The following CLDN10 variants were observed in gnomAD, a reference collection of about 807,000 sequenced individuals.
The protein encoded by CLDN10 is claudin-10.
Under a neutral mutation model 22.9 loss-of-function variants are expected in CLDN10, and 15 were observed. The observed-to-expected ratio is 0.65, with a 90% CI of 0.44 to 1.01. The LOEUF (loss-of-function observed/expected upper bound fraction) is 1.01, where lower values mean the gene tolerates loss of function less well. CLDN10 is among the 50% of genes least tolerant of loss of function. The probability of loss-of-function intolerance (pLI) is 0.00; values close to 1 mark genes in which losing one functional copy is unlikely to be tolerated. For missense variants in CLDN10, 247 were observed against 287.8 expected, an observed-to-expected ratio of 0.86 and a Z score of 1.03; for synonymous variants, 114 against 111.4, an observed-to-expected ratio of 1.02 and a Z score of -0.15.
At chr13:95,537,254 T>G (rs1177416636) in intron 1 of CLDN10, among the ~76,000 whole-genome samples, 1 of 152,186 alleles carries the variant, frequency 6.6e-6, no homozygotes, top group East Asian at 1.9e-4. Flanking sequence ...AGACTTTGTG[T>G]GGGGTTGGTT....
rs1566349260 is a variant in CLDN10, at chr13:95,578,240, T to C, written c.*226T>C. On this transcript the variant is annotated 3_prime_UTR_variant, in exon 5 of 5. Coordinates refer to ENST00000299339, the MANE Select transcript of CLDN10 (RefSeq NM_006984.5). ...AAAATAAACAGTTTATTTACAGGAT[T>C]TGTAAAATGTTTTCTACATTTATAT... The C allele has an allele frequency of 6.0e-6, 2 of 330,622 alleles. No individual in the cohort carries two copies. Among genetic ancestry groups the C allele is most frequent in the East Asian group, 1.1e-4 (2 of 18,386 alleles). The allele number at this position is 330,622 out of a possible 1,614,324, so 20.5% of individuals were successfully genotyped here.
chr13:95,468,078 A>G (rs1489415694), intron 1 of CLDN10, among the ~76,000 whole-genome samples: 1 of 152,226 alleles, frequency 6.6e-6, no homozygotes, highest in African/African-American at 2.4e-5. Context: ...TCACAGAAAC[A>G]TCCAGAATAA....
At chr13:95,565,960 C>CT (rs923359978) in intron 3 of CLDN10, among the ~76,000 whole-genome samples, 29 of 152,092 alleles carry the variant, frequency 1.9e-4, no homozygotes, top group African/African-American at 7.0e-4. Flanking sequence ...TGAACTCATC[C>CT]TTTTTTATGG....
chr13:95,463,411 T>G (rs149145873), intron 1 of CLDN10, among the ~76,000 whole-genome samples: 14 of 142,378 alleles, frequency 9.8e-5, no homozygotes, highest in Admixed American at 2.1e-4. Flanking sequence ...TGGCTCACTG[T>G]AGCCTGGGCC....
rs1231424844 is a variant in CLDN10, at chr13:95,578,219, T to C, written c.*205T>C. The C allele has an allele frequency of 1.0e-5, 4 of 380,956 alleles. No individual in the cohort carries two copies. The highest frequency in any genetic ancestry group is 8.3e-5 in the African/African-American group (4 of 47,908). 23.6% of individuals were successfully genotyped at this position (380,956 alleles called of 1,614,324 possible). A position where few individuals can be genotyped will look rare whatever the true frequency, so the allele number is the denominator to read the frequency against. On this transcript the variant is annotated 3_prime_UTR_variant, in exon 5 of 5. Transcript: ENST00000299339. ...TTCTGTTGTGGCTTTCTATAAAAAA[T>C]AAACAGTTTATTTACAGGATTTGTA...
rs57500288 is a variant in CLDN10 at position 95,532,792 on chromosome 13, C to CAAAAAAAAAAAAAAAAAAAA, written c.215-27337_215-27318dup. Among the ~76,000 whole-genome samples the CAAAAAAAAAAAAAAAAAAAA allele has an allele frequency of 9.7e-5, 6 of 62,020 alleles. 1 individual carries two copies. Among genetic ancestry groups the CAAAAAAAAAAAAAAAAAAAA allele is most frequent in the African/African-American group, 2.0e-4 (3 of 15,066 alleles). 40.7% of individuals were successfully genotyped at this position (62,020 alleles called of 152,430 possible). On this transcript the variant is annotated intron_variant, in intron 1 of 4. Transcript: ENST00000376873. The stretch of plus-strand genomic sequence containing the variant: ...CTTCAGATACTGGAACTCAATTCAG[C>CAAAAAAAAAAAAAAAAAAAA]AAAAAAAAAAAAAAAAAAAAAAGAA...
chr13:95,552,799 T>G lies in CLDN10; in HGVS notation c.46T>G (p.Ser16Ala). Reference sequence around the variant, plus strand: ...GATCATCGCCTTCATGGTCTCCATCTCAGGCTGGGTACTGGTGTCCTCCAC... The same window carrying G: ...GATCATCGCCTTCATGGTCTCCATCGCAGGCTGGGTACTGGTGTCCTCCAC... Reference protein sequence around the residue: ...SEIIAFMVSISGWVLVSSTLP... With the variant: ...SEIIAFMVSIAGWVLVSSTLP... Residue 16 changes from serine (S) to alanine (A), a missense_variant, in exon 1 of 5, where the codon TCA becomes GCA. Physicochemically the swap from Ser to Ala is moderately conservative, Grantham distance 99. Coordinates refer to ENST00000299339, the MANE Select transcript of CLDN10 (RefSeq NM_006984.5). 6.2e-7 allele frequency: 1 copy of G among 1,613,918 alleles called. No individual in the cohort carries two copies. Among genetic ancestry groups the G allele is most frequent in the East Asian group, 2.2e-5 (1 of 44,872 alleles).
intron 1 of CLDN10, among the ~76,000 whole-genome samples, chr13:95,503,935 A>G (rs1211088122): frequency 1.3e-5 from 2 of 152,328 alleles, no homozygotes; most frequent in African/African-American, 2.4e-5. Context: ...TATACTTAAC[A>G]CTACTGAACT....
At chr13:95,537,903 T>C (rs2043417385) in intron 1 of CLDN10, among the ~76,000 whole-genome samples, 1 of 152,222 alleles carries the variant, frequency 6.6e-6, no homozygotes, top group Admixed American at 6.5e-5. Flanking sequence ...TATCTGCCAA[T>C]TGATAAGCAC....
chr13:95,561,764 CTTTT>C lies in CLDN10; in HGVS notation c.464+1315_464+1318del, dbSNP rs201890987. On this transcript the variant is annotated intron_variant, in intron 3 of 4. Transcript: ENST00000299339. ...TGTTCATCAAGAGGTTTCTTTCGTC[CTTTT>C]TTTTTTTTTTTTTAAGAGTTAGGGC... is the stretch of plus-strand genomic sequence containing the variant. Among the ~76,000 whole-genome samples, 5 of 135,312 alleles carry C rather than the reference CTTTT, an allele frequency of 3.7e-5. 1 individual carries two copies. The highest frequency in any genetic ancestry group is 5.4e-5 in the African/African-American group (2 of 36,804). 88.8% of individuals were successfully genotyped at this position (135,312 alleles called of 152,430 possible).
chr13:95,513,298 G>T (rs1202745112), intron 1 of CLDN10, among the ~76,000 whole-genome samples: 1 of 152,166 alleles, frequency 6.6e-6, no homozygotes, highest in African/African-American at 2.4e-5. Flanking sequence ...TGTCTGGCAG[G>T]CACTGTGCTG....
chr13:95,556,043 A>ATTTCT (rs1284129032), intron 1 of CLDN10, among the ~76,000 whole-genome samples: 2 of 151,452 alleles, frequency 1.3e-5, no homozygotes, highest in South Asian at 4.2e-4. Flanking sequence ...ATTATTCTGA[A>ATTTCT]TTTCTTTTCT....
At chr13:95,544,878 G>A (rs2043493076) in intron 1 of CLDN10, among the ~76,000 whole-genome samples, 1 of 151,856 alleles carries the variant, frequency 6.6e-6, no homozygotes, top group African/African-American at 2.4e-5. Context: ...CCCGGTTCAA[G>A]CAATTCTCCT....
intron 1 of CLDN10, among the ~76,000 whole-genome samples, chr13:95,463,882 G>T (rs1466082277): frequency 6.6e-6 from 1 of 151,970 alleles, no homozygotes; most frequent in Non-Finnish European, 1.5e-5. Context: ...CCATTTATGG[G>T]TTTATCTGAA....
In CLDN10 at chr13:95,578,053, A is replaced by G; in HGVS notation, c.*39A>G. ...CAAGCTGCCTCTTGAGTTTGTTATA[A>G]AAGCGAACTGTTCACAAAATGATCC... On this transcript the variant is annotated 3_prime_UTR_variant, in exon 5 of 5. Coordinates refer to ENST00000299339, the MANE Select transcript of CLDN10 (RefSeq NM_006984.5). 1 of 1,218,818 alleles carries G rather than the reference A, an allele frequency of 8.2e-7. No individual in the cohort carries two copies. The highest frequency in any genetic ancestry group is 1.2e-6 in the Non-Finnish European group (1 of 833,336). 75.5% of individuals were successfully genotyped at this position (1,218,818 alleles called of 1,614,324 possible).
upstream of CLDN10, among the ~76,000 whole-genome samples, chr13:95,548,298 G>A (rs4771920): frequency 0.28 from 42,533 of 152,068 alleles, 7,095 homozygotes; most frequent in Non-Finnish European, 0.36. Context: ...AGGGGCTCAA[G>A]AGGAGTCTAC....
intron 1 of CLDN10, among the ~76,000 whole-genome samples, chr13:95,471,453 A>ATATATTTTTTT (rs776857009): frequency 1.2e-4 from 13 of 106,390 alleles, no homozygotes; most frequent in African/African-American, 4.8e-4. Flanking sequence ...ATATATATAT[A>ATATATTTTTTT]TTTTTTTTTT....
intron 1 of CLDN10, among the ~76,000 whole-genome samples, chr13:95,537,130 A>G (rs2043408709): frequency 6.6e-6 from 1 of 152,226 alleles, no homozygotes; most frequent in Non-Finnish European, 1.5e-5. Context: ...AATATTTTAA[A>G]ATTAAACATT....
chr13:95,542,411 C>T (rs931494830), intron 1 of CLDN10, among the ~76,000 whole-genome samples: 21 of 152,132 alleles, frequency 1.4e-4, no homozygotes, highest in African/African-American at 4.6e-4. Flanking sequence ...GTATGTACTT[C>T]GAAATTCAAC....
Sources: gnomAD v4.1 joint callset for allele counts (sites outside exome capture counted in the v4.1 genomes callset) on GRCh38, gnomAD v4.1.1 for gene constraint, MANE v1.5 for transcripts, NCBI Gene and HGNC (gene_info 2026-07-23, HGNC 2026-07-21) for gene names.